RSPO1: variants seen among roughly 807,000 people sequenced by gnomAD.
RSPO1 encodes R-spondin 1.
Under a neutral mutation model 26.0 loss-of-function variants are expected in RSPO1, and 18 were observed. That is an observed-to-expected ratio of 0.69 (90% CI 0.48 to 1.03). The LOEUF is 1.03. RSPO1 is among the 50% of genes least tolerant of loss of function. RSPO1 has a pLI of 0.00. For synonymous variants in RSPO1, 133 were observed against 137.4 expected (o/e 0.97, Z 0.22); for missense variants, 309 against 352.3 (o/e 0.88, Z 0.98).
chr1:37,612,661 T>G lies in RSPO1; in HGVS notation c.*94A>C. The G allele has an allele frequency of 7.4e-7, 1 of 1,343,452 alleles. No homozygotes were observed. Among genetic ancestry groups the G allele is most frequent in the Non-Finnish European group, 1.1e-6 (1 of 948,314 alleles). 83.2% of individuals were successfully genotyped at this position (1,343,452 alleles called of 1,614,324 possible). On this transcript the variant is annotated 3_prime_UTR_variant, in exon 7 of 7. Transcript: ENST00000356545. ...ATGGATGGATTGGAGTGTGTGTGTA[T>G]GCTTTGCCCCCGACGTTCCAGTTCA...
intron 3 of RSPO1, among the ~76,000 whole-genome samples, chr1:37,622,222 G>C (rs1212901401): frequency 2.6e-5 from 4 of 152,216 alleles, no homozygotes; most frequent in African/African-American, 4.8e-5. Context: ...TTGCTTCTGA[G>C]ATGTCATGTG....
intron 3 of RSPO1, among the ~76,000 whole-genome samples, chr1:37,621,628 C>G (rs1003182203): frequency 6.6e-6 from 1 of 151,944 alleles, no homozygotes; most frequent in African/African-American, 2.4e-5. Flanking sequence ...GGGAAAATGA[C>G]GAGTAGCTAA....
chr1:37,613,653 C>T lies in RSPO1; in HGVS notation c.625+51G>A. 1.3e-6 allele frequency: 2 copies of T among 1,518,454 alleles called. No individual in the cohort carries two copies. The highest frequency in any genetic ancestry group is 1.1e-5 in the South Asian group (1 of 87,926). The allele number at this position is 1,518,454 out of a possible 1,614,324, so 94.1% of individuals were successfully genotyped here. A position where few individuals can be genotyped will look rare whatever the true frequency, so the allele number is the denominator to read the frequency against. On this transcript the variant is annotated intron_variant, in intron 6 of 6. Transcript: ENST00000356545. The surrounding 1 kb of genome is among the most constrained non-coding windows in gnomAD (Gnocchi z 4.5). The stretch of plus-strand genomic sequence containing the variant: ...AGGAAGCAGAGGTGGCAGGACCTGT[C>T]ATGGCTGGTGCCTGAGCCCTGACCC...
At chr1:37,629,445 T>A in intron 3 of RSPO1, 123 bp downstream of exon 3, 1 of 767,264 alleles carries the variant, frequency 1.3e-6, no homozygotes, top group South Asian at 1.5e-5. Context: ...TACAAAGCTA[T>A]AATAGATAGA....
chr1:37,628,316 C>T (rs554568152), intron 3 of RSPO1, among the ~76,000 whole-genome samples: 2 of 152,350 alleles, frequency 1.3e-5, no homozygotes, highest in Admixed American at 1.3e-4. Flanking sequence ...GGCCTTGCTG[C>T]TGATTAAACC....
At chr1:37,616,833 T>C (rs1031736942) in intron 3 of RSPO1, among the ~76,000 whole-genome samples, 158 bp from the exon 4 acceptor site, 5 of 152,348 alleles carry the variant, frequency 3.3e-5, no homozygotes, top group South Asian at 2.1e-4. Context: ...TCTGCAAGGC[T>C]GCTTTATACA....
intron 3 of RSPO1, 129 bp from the exon 4 acceptor site, chr1:37,616,804 C>T: frequency 1.1e-6 from 1 of 906,464 alleles, no homozygotes; most frequent in Non-Finnish European, 1.8e-6. Context: ...TCAGAAAGCA[C>T]CGGCCAGGCT....
chr1:37,632,116 G>A (rs948675704), intron 2 of RSPO1, 171 bp downstream of exon 2: 1 of 152,206 alleles, frequency 6.6e-6, no homozygotes, highest in Admixed American at 6.5e-5. Flanking sequence ...GGCACAAAAT[G>A]TCCCCTATGC....
At position 37,629,924 on chromosome 1, in the gene RSPO1, C is replaced by G; in HGVS notation, c.-263G>C. Reference sequence around the variant, plus strand: ...CATATGAGAGATCTTTTTGTCACGTCAGCAGGGACTACTCCAAAAACCAAC... The same window carrying G: ...CATATGAGAGATCTTTTTGTCACGTGAGCAGGGACTACTCCAAAAACCAAC... On this transcript the variant is annotated 5_prime_UTR_variant, in exon 3 of 7. Coordinates refer to ENST00000356545, the MANE Select transcript of RSPO1 (RefSeq NM_001242908.2). The G allele has an allele frequency of 6.6e-7, 1 of 1,518,804 alleles. No homozygotes were observed. The allele number at this position is 1,518,804 out of a possible 1,614,324, so 94.1% of individuals were successfully genotyped here. A position where few individuals can be genotyped will look rare whatever the true frequency, so the allele number is the denominator to read the frequency against.
chr1:37,619,817 G>A (rs1421180146), intron 3 of RSPO1, among the ~76,000 whole-genome samples: 2 of 150,628 alleles, frequency 1.3e-5, no homozygotes, highest in Non-Finnish European at 2.9e-5. Context: ...GCACAATCTC[G>A]GCTCACTGCA....
chr1:37,631,082 AC>A (rs1309011350), intron 2 of RSPO1, among the ~76,000 whole-genome samples: 1 of 151,502 alleles, frequency 6.6e-6, no homozygotes, highest in Admixed American at 6.6e-5. Context: ...TGCCCCTCCC[AC>A]CCCCTGTCCT....
chr1:37,630,012 C>G, intron 2 of RSPO1, 63 bp from the exon 3 acceptor site: 3 of 745,698 alleles, frequency 4.0e-6, no homozygotes. Flanking sequence ...ACTTATGCCT[C>G]CTGCCCTACC....
chr1:37,623,846 G>A (rs1235782085), intron 3 of RSPO1, among the ~76,000 whole-genome samples: 2 of 147,332 alleles, frequency 1.4e-5, no homozygotes, highest in South Asian at 2.2e-4. Flanking sequence ...TGCAACCTCC[G>A]CCTCCTGGGT....
At chr1:37,614,867 GGTAA>G (rs1644088392) in intron 4 of RSPO1, among the ~76,000 whole-genome samples, 1 of 152,218 alleles carries the variant, frequency 6.6e-6, no homozygotes, top group Non-Finnish European at 1.5e-5. Flanking sequence ...ATGGAGGAGG[GGTAA>G]GCCATCCCAG....
intron 3 of RSPO1, among the ~76,000 whole-genome samples, chr1:37,627,095 A>G (rs1644288112): frequency 6.6e-6 from 1 of 152,118 alleles, no homozygotes; most frequent in South Asian, 2.1e-4. Flanking sequence ...AGTGTATAAT[A>G]GCTCAGAATG....
At chr1:37,618,432 G>T (rs1035826652) in intron 3 of RSPO1, among the ~76,000 whole-genome samples, 1 of 152,188 alleles carries the variant, frequency 6.6e-6, no homozygotes, top group Non-Finnish European at 1.5e-5. Context: ...AGACTGTTTA[G>T]ACATCAGGGA....
chr1:37,631,086 CCT>C (rs747415097), intron 2 of RSPO1, among the ~76,000 whole-genome samples: 1 of 152,150 alleles, frequency 6.6e-6, no homozygotes, highest in Non-Finnish European at 1.5e-5. Context: ...CCTCCCACCC[CCT>C]GTCCTAATCC....
rs529672045 is a variant in RSPO1, at chr1:37,634,164, G to A, written c.-356+402C>T. Reference sequence around the variant, plus strand: ...AACCCAGGCCCAGGCTGCGGACTGGGGTGGGGGTCACCAGAGACCGTGGGA... The same window carrying A: ...AACCCAGGCCCAGGCTGCGGACTGGAGTGGGGGTCACCAGAGACCGTGGGA... On this transcript the variant is annotated intron_variant, in intron 1 of 6. Coordinates refer to ENST00000356545, the MANE Select transcript of RSPO1 (RefSeq NM_001242908.2). This position sits in a 1 kb window ranked among gnomAD's most constrained non-coding sequence, Gnocchi z 4.7. Among the ~76,000 whole-genome samples, 11 of 152,298 alleles carry A rather than the reference G, an allele frequency of 7.2e-5. No individual in the cohort carries two copies. The South Asian group carries it at 2.3e-3, about 32-fold the overall frequency.
chr1:37,613,584 G>A lies in RSPO1; in HGVS notation c.625+120C>T. ...CAGCATGAGGTCTTGAGTTGCGGGT[G>A]CCCCATCTGGCCTTGCCCTGAAGCT... On this transcript the variant is annotated intron_variant, in intron 6 of 6. Transcript: ENST00000356545. The surrounding 1 kb of genome is among the most constrained non-coding windows in gnomAD (Gnocchi z 4.5). 2.6e-6 allele frequency: 2 copies of A among 782,670 alleles called. No individual in the cohort carries two copies. Among genetic ancestry groups the A allele is most frequent in the Non-Finnish European group, 2.2e-6 (1 of 458,098 alleles). The allele number at this position is 782,670 out of a possible 1,614,324, so 48.5% of individuals were successfully genotyped here.
Sources: allele counts gnomAD v4.1 joint callset (sites outside exome capture counted in the v4.1 genomes callset), GRCh38; gene constraint gnomAD v4.1.1; non-coding constraint Gnocchi (gnomAD v3.1); transcripts MANE v1.5; gene names NCBI Gene and HGNC (gene_info 2026-07-23, HGNC 2026-07-21).